The following DCHS2 variants were observed in gnomAD, a reference collection of about 807,000 sequenced individuals.
The protein encoded by DCHS2 is dachsous cadherin-related 2.
A neutral mutation model predicts 182.4 loss-of-function variants in DCHS2; 142 were observed. That is an observed-to-expected ratio of 0.78 (90% CI 0.68 to 0.89). The LOEUF (loss-of-function observed/expected upper bound fraction) is 0.89. Among genes scored for constraint, DCHS2 ranks in the 40% least tolerant of loss-of-function variants. The pLI is 0.00. For synonymous variants in DCHS2, 1,740 were observed against 1,663.3 expected (o/e 1.05, Z -1.12); for missense variants, 4,319 against 4,198.6 (o/e 1.03, Z -0.79).
intron 16 of DCHS2, among the ~76,000 whole-genome samples, chr4:154,250,170 T>A (rs1732283426): frequency 6.6e-6 from 1 of 152,174 alleles, no homozygotes; most frequent in Non-Finnish European, 1.5e-5. Context: ...CAATACCTCA[T>A]GGATACTGAG....
chr4:154,341,076 A>G (rs1266337710), intron 3 of DCHS2, among the ~76,000 whole-genome samples: 4 of 152,144 alleles, frequency 2.6e-5, no homozygotes, highest in Non-Finnish European at 4.4e-5. Flanking sequence ...ATAATTTGAA[A>G]AAACGTTTTC....
intron 1 of DCHS2, among the ~76,000 whole-genome samples, chr4:154,481,326 A>G (rs369774579): frequency 6.6e-6 from 1 of 152,138 alleles, no homozygotes; most frequent in Non-Finnish European, 1.5e-5. Flanking sequence ...CAGTGGCGCA[A>G]TCATGGTTCA....
At chr4:154,355,109 C>T (rs1729800215) in intron 3 of DCHS2, among the ~76,000 whole-genome samples, 1 of 152,034 alleles carries the variant, frequency 6.6e-6, no homozygotes, top group Admixed American at 6.5e-5. Flanking sequence ...GAGGCTGAGA[C>T]CTATTGGGCT....
In DCHS2 at chr4:154,268,803, A is replaced by G. The variant is rs1218507402; in HGVS notation, c.6577+1097T>C. Among the ~76,000 whole-genome samples the G allele has an allele frequency of 8.5e-5, 13 of 152,192 alleles. No homozygotes were observed. In the East Asian group the frequency reaches 2.5e-3, roughly 29 times the overall value. Reference sequence around the variant, plus strand: ...ATCAAAAAATAAAGATGTTCCTGTGAATGACCTCTTTGGACTAACCCTAGG... The same window carrying G: ...ATCAAAAAATAAAGATGTTCCTGTGGATGACCTCTTTGGACTAACCCTAGG... On this transcript the variant is annotated intron_variant, in intron 14 of 19. Coordinates refer to ENST00000357232, the MANE Select transcript of DCHS2 (RefSeq NM_001358235.2).
intron 1 of DCHS2, among the ~76,000 whole-genome samples, chr4:154,386,546 C>T (rs1731429276): frequency 6.6e-6 from 1 of 152,018 alleles, no homozygotes; most frequent in African/African-American, 2.4e-5. Flanking sequence ...AGTTATGTTG[C>T]ATTATATATT....
chr4:154,386,521 G>C (rs1184243074), intron 1 of DCHS2, among the ~76,000 whole-genome samples: 1 of 151,846 alleles, frequency 6.6e-6, no homozygotes, highest in East Asian at 1.9e-4. Context: ...GCTTTCTTCA[G>C]AGAACTTATC....
chr4:154,259,555 T>C lies in DCHS2; in HGVS notation c.6779A>G (p.His2260Arg). ...ATATATTTCTGTTACCTGTATGACA[T>C]GAGCATTGTAGAGTTGGCTTTCAGA... is the stretch of plus-strand genomic sequence containing the variant. ...SVSESQLYNA[H>R]VIQVFATDLD... is the part of the protein sequence containing the mutation. Residue 2260 changes from histidine (H) to arginine (R), a missense_variant, in exon 15 of 20, where the codon CAT becomes CGT. By Grantham distance (29) the His-to-Arg change is conservative. Transcript: ENST00000357232. 1 of 1,613,564 alleles carries C rather than the reference T, an allele frequency of 6.2e-7. No homozygotes were observed. The highest frequency in any genetic ancestry group is 2.2e-5 in the East Asian group (1 of 44,806).
chr4:154,390,271 C>A (rs913144901), intron 1 of DCHS2, among the ~76,000 whole-genome samples: 2 of 113,038 alleles, frequency 1.8e-5, no homozygotes, highest in Non-Finnish European at 3.5e-5. Flanking sequence ...CCCCCTCCCC[C>A]CACCCCACAA....
rs183020242 is a variant in DCHS2 at position 154,444,336 on chromosome 4, C to G, written c.2052+44968G>C. ...TTTAGGTATCTCAAAATTAACATAC[C>G]CCCAAATCAACTCCAAACTTCTTCC... On this transcript the variant is annotated intron_variant, in intron 1 of 19. Coordinates refer to ENST00000357232, the MANE Select transcript of DCHS2 (RefSeq NM_001358235.2). Among the ~76,000 whole-genome samples, 473 of 152,040 alleles carry G rather than the reference C, an allele frequency of 3.1e-3. 2 individuals carry two copies. Among genetic ancestry groups the G allele is most frequent in the Non-Finnish European group, 4.0e-3 (269 of 67,958 alleles).
intron 14 of DCHS2, 131 bp downstream of exon 14, chr4:154,269,769 C>A: frequency 1.0e-6 from 1 of 971,676 alleles, no homozygotes; most frequent in Non-Finnish European, 1.5e-6. Context: ...TTTTCATAGG[C>A]TAGCTTAAAA....
intron 1 of DCHS2, among the ~76,000 whole-genome samples, chr4:154,404,930 C>T (rs1322122906): frequency 6.6e-6 from 1 of 152,116 alleles, no homozygotes; most frequent in Non-Finnish European, 1.5e-5. Flanking sequence ...ACACCTCTAC[C>T]CCCAGAGTCC....
intron 1 of DCHS2, among the ~76,000 whole-genome samples, chr4:154,402,146 G>T (rs182148003): frequency 6.6e-6 from 1 of 152,234 alleles, no homozygotes; most frequent in East Asian, 1.9e-4. Flanking sequence ...TTATTGAAAA[G>T]ACTTTCTTTT....
chr4:154,482,133 T>G (rs1490666), intron 1 of DCHS2, among the ~76,000 whole-genome samples: 25,744 of 152,192 alleles, frequency 0.17, 2,649 homozygotes, highest in Admixed American at 0.28. Context: ...AACCATCCAG[T>G]AAAAAGTGAG....
chr4:154,430,435 C>T (rs886469757), intron 1 of DCHS2, among the ~76,000 whole-genome samples: 18 of 152,232 alleles, frequency 1.2e-4, no homozygotes, highest in Admixed American at 9.2e-4. Context: ...TCCATGTGCC[C>T]TAGGGATTCT....
In DCHS2 at chr4:154,236,049, AC is replaced by A. The variant is rs774544507; in HGVS notation, c.8602del (p.Val2868TrpfsTer6). The A allele has an allele frequency of 2.5e-6, 4 of 1,613,784 alleles. No individual in the cohort carries two copies. The East Asian group carries it at 8.9e-5, about 36-fold the overall frequency. ...GDATASLVVW[V>X]DIEGIDEFEP... is the part of the protein sequence containing the mutation. The stretch of plus-strand genomic sequence containing the variant: ...AAATTCATCTATCCCTTCAATATCC[AC>A]CCAGACCACTAAGGAGGCAGTTGCA... On this transcript the variant is annotated frameshift_variant, in exon 20 of 20. Transcript: ENST00000357232. LOFTEE classifies it low-confidence loss of function (END_TRUNC).
intron 14 of DCHS2, among the ~76,000 whole-genome samples, chr4:154,265,705 T>C (rs959981869): frequency 1.3e-5 from 2 of 152,122 alleles, no homozygotes; most frequent in Admixed American, 1.3e-4. Flanking sequence ...GTGATGTGTA[T>C]GTTAATTGGC....
chr4:154,473,744 CG>C (rs1261084241), intron 1 of DCHS2, among the ~76,000 whole-genome samples: 1 of 152,108 alleles, frequency 6.6e-6, no homozygotes, highest in African/African-American at 2.4e-5. Context: ...CAGAGAGATA[CG>C]GCCCCTCCCA....
chr4:154,448,458 C>T (rs1156239587), intron 1 of DCHS2, among the ~76,000 whole-genome samples: 2 of 152,070 alleles, frequency 1.3e-5, no homozygotes, highest in Non-Finnish European at 2.9e-5. Context: ...CCCACTTACC[C>T]GCTTATCCTT....
At chr4:154,368,348 TTC>T (rs1429132975) in intron 2 of DCHS2, among the ~76,000 whole-genome samples, 1 of 152,078 alleles carries the variant, frequency 6.6e-6, no homozygotes. Flanking sequence ...TCTCCTCAAA[TTC>T]AAGAGGTCAC....
Sources: gnomAD v4.1 joint callset for allele counts (sites outside exome capture counted in the v4.1 genomes callset) on GRCh38, gnomAD v4.1.1 for gene constraint, MANE v1.5 for transcripts, NCBI Gene and HGNC (gene_info 2026-07-23, HGNC 2026-07-21) for gene names.